The following LDHC variants were observed in gnomAD, a reference collection of about 807,000 sequenced individuals.
LDHC encodes L-lactate dehydrogenase C chain.
In LDHC, 20 loss-of-function variants were observed where a neutral mutation model predicts 30.2. The observed-to-expected ratio is 0.66, with a 90% CI of 0.47 to 0.96. The LOEUF is 0.96. Ranked by LOEUF, LDHC falls within the 40% of genes least tolerant of loss-of-function variation. The pLI is 0.00. For synonymous variants in LDHC, 139 were observed against 132.7 expected, an observed-to-expected ratio of 1.05 and a Z score of -0.32; for missense variants, 362 against 394.9, an observed-to-expected ratio of 0.92 and a Z score of 0.71.
Position 18,449,428 on chromosome 11 carries a change from TAAAAAAAAAAAAAAA to T in LDHC, c.835-1516_835-1502del, listed in dbSNP as rs557136321. On this transcript the variant is annotated intron_variant, in intron 7 of 7. Coordinates refer to ENST00000541669, the MANE Select transcript of LDHC (RefSeq NM_017448.5). The stretch of plus-strand genomic sequence containing the variant: ...GGTGACACAGCGAGACACTGTCTCC[TAAAAAAAAAAAAAAA>T]AAAAAAAAAAAAAAAAAAGAGGATA... Among the ~76,000 whole-genome samples, 14 of 48,452 alleles carry T rather than the reference TAAAAAAAAAAAAAAA, an allele frequency of 2.9e-4. 1 individual carries two copies. Among genetic ancestry groups the T allele is most frequent in the South Asian group, 2.8e-3 (2 of 720 alleles). 31.8% of individuals were successfully genotyped at this position (48,452 alleles called of 152,430 possible). A position where few individuals can be genotyped will look rare whatever the true frequency, so the allele number is the denominator to read the frequency against.
rs763179745 is a variant in LDHC, at chr11:18,429,721, T to C, written c.245-16T>C. The C allele has an allele frequency of 4.4e-5, 68 of 1,528,594 alleles. No homozygotes were observed. The highest frequency in any genetic ancestry group is 5.7e-5 in the Non-Finnish European group (63 of 1,110,148). 94.7% of individuals were successfully genotyped at this position (1,528,594 alleles called of 1,614,324 possible). ...GGTAATGTTGATCCAAATATAGTAT[T>C]TTGTTTCCTTTTTAGATTACAGTGT... On this transcript the variant is annotated splice_polypyrimidine_tract_variant and intron_variant, in intron 3 of 7. Transcript: ENST00000541669.
chr11:18,412,537 C>T, intron 1 of LDHC, 129 bp downstream of exon 1: 1 of 560,636 alleles, frequency 1.8e-6, no homozygotes, highest in Non-Finnish European at 3.1e-6. Flanking sequence ...GTGCCCCAGC[C>T]CTCCCATTGC....
At chr11:18,430,475 C>T (rs907713086) in intron 4 of LDHC, among the ~76,000 whole-genome samples, 2 of 152,108 alleles carry the variant, frequency 1.3e-5, no homozygotes, top group Admixed American at 6.6e-5. Flanking sequence ...GATCCTCCCA[C>T]CTCAGGCTCC....
At chr11:18,439,820 A>AAAC (rs1848427820) in intron 6 of LDHC, among the ~76,000 whole-genome samples, 1 of 142,768 alleles carries the variant, frequency 7.0e-6, no homozygotes, top group Non-Finnish European at 1.5e-5. Context: ...CTAAAAAAAA[A>AAAC]AAAAAAAAAA....
chr11:18,426,276 C>G (rs1428392107), intron 3 of LDHC, among the ~76,000 whole-genome samples: 1 of 152,074 alleles, frequency 6.6e-6, no homozygotes, highest in Non-Finnish European at 1.5e-5. Context: ...CCTGTAATCC[C>G]AGCACTTTGG....
At chr11:18,436,221 C>T (rs1038399752) in intron 5 of LDHC, among the ~76,000 whole-genome samples, 2 of 152,088 alleles carry the variant, frequency 1.3e-5, no homozygotes, top group Non-Finnish European at 2.9e-5. Flanking sequence ...TTTAATTTCT[C>T]ACATTTAATA....
intron 3 of LDHC, among the ~76,000 whole-genome samples, chr11:18,426,316 C>T (rs919653537): frequency 6.6e-6 from 1 of 152,034 alleles, no homozygotes; most frequent in Non-Finnish European, 1.5e-5. Context: ...CACCTGAGGT[C>T]AGGAGTTCAA....
Position 18,451,972 on chromosome 11 carries a change from G to A in LDHC, c.*845G>A, listed in dbSNP as rs1848662239. The A allele has an allele frequency of 1.3e-5, 2 of 151,958 alleles. No homozygotes were observed. Among genetic ancestry groups the A allele is most frequent in the Non-Finnish European group, 2.9e-5 (2 of 68,008 alleles). The allele number at this position is 151,958 out of a possible 1,614,324, so 9.4% of individuals were successfully genotyped here. ...GAACACAGAAGAAAAGCAGAAACAA[G>A]AAGAAGATACAGATGTAACTTTACG... On this transcript the variant is annotated 3_prime_UTR_variant, in exon 8 of 8. Coordinates refer to ENST00000541669, the MANE Select transcript of LDHC (RefSeq NM_017448.5).
intron 5 of LDHC, 63 bp from the exon 6 acceptor site, chr11:18,438,465 T>G: frequency 9.4e-7 from 1 of 1,059,398 alleles, no homozygotes; most frequent in Non-Finnish European, 1.5e-6. Flanking sequence ...AAAACAACAC[T>G]GAACTCAAAC....
Position 18,429,838 on chromosome 11 carries a change from A to G in LDHC, c.346A>G (p.Ile116Val), listed in dbSNP as rs372539242. The change falls in exon 4 of 8, where the codon ATA (isoleucine) becomes GTA (valine). Residue 116 changes from isoleucine (I) to valine (V), a missense_variant. Ile to Val is a conservative substitution (Grantham distance 29). Coordinates refer to ENST00000541669, the MANE Select transcript of LDHC (RefSeq NM_017448.5). ...TGCCCTGGTCCAACGTAATGTGGCT[A>G]TAATGAAATCAATCATTCCTGCCAT... is the stretch of plus-strand genomic sequence containing the variant. ...RLALVQRNVAIMKSIIPAIVH... is the reference protein window; with the variant it reads ...RLALVQRNVAVMKSIIPAIVH... 5.6e-6 allele frequency: 9 copies of G among 1,611,808 alleles called. No individual in the cohort carries two copies. The highest frequency in any genetic ancestry group is 7.6e-6 in the Non-Finnish European group (9 of 1,177,836).
chr11:18,447,007 G>A (rs1257013653), intron 7 of LDHC, among the ~76,000 whole-genome samples: 1 of 152,172 alleles, frequency 6.6e-6, no homozygotes, highest in Non-Finnish European at 1.5e-5. Flanking sequence ...AGAGGGGGAT[G>A]CAGTCCAGAG....
rs142289224 is a variant in LDHC at position 18,412,778 on chromosome 11, T to C, written c.61T>C (p.Cys21Arg). The C allele has an allele frequency of 2.5e-6, 4 of 1,613,954 alleles. No individual in the cohort carries two copies. The highest frequency in any genetic ancestry group is 3.3e-5 in the Admixed American group (2 of 60,024). ...KLIEDDENSQ[C>R]KITIVGTGAV... ...AATTGAGGATGATGAAAACTCCCAG[T>C]GTAAAATTACTATTGTTGGAACTGG... is the stretch of plus-strand genomic sequence containing the variant. Residue 21 changes from cysteine (C) to arginine (R), a missense_variant, in exon 2 of 8, where the codon TGT (cysteine) becomes CGT (arginine). Transcript: ENST00000541669.
chr11:18,422,155 G>C (rs1212419669), intron 3 of LDHC, among the ~76,000 whole-genome samples: 1 of 151,968 alleles, frequency 6.6e-6, no homozygotes, highest in African/African-American at 2.4e-5. Flanking sequence ...AGAGAAAGAA[G>C]TAATATTAGA....
chr11:18,436,337 G>A (rs1848352276), intron 5 of LDHC, among the ~76,000 whole-genome samples: 1 of 151,580 alleles, frequency 6.6e-6, no homozygotes, highest in South Asian at 2.1e-4. Flanking sequence ...CTCTTTTTCT[G>A]TTTTCCATTG....
chr11:18,419,214 G>A (rs1393823170), intron 3 of LDHC, among the ~76,000 whole-genome samples: 4 of 152,164 alleles, frequency 2.6e-5, no homozygotes, highest in Admixed American at 2.6e-4. Context: ...CAGTGCAAAA[G>A]GAAGCCACAG....
chr11:18,434,941 G>T, intron 5 of LDHC, 28 bp downstream of exon 5: 1 of 1,488,994 alleles, frequency 6.7e-7, no homozygotes, highest in South Asian at 1.2e-5. Context: ...ATTATTACGT[G>T]ACTACCCTTC....
At chr11:18,413,031 C>CT (rs146653403) in intron 2 of LDHC, among the ~76,000 whole-genome samples, 188 bp downstream of exon 2, 22,620 of 136,280 alleles carry the variant, frequency 0.17, 1,846 homozygotes, top group Middle Eastern at 0.24. Context: ...CTTTCTTTTC[C>CT]TTTTTTTTTA....
intron 3 of LDHC, among the ~76,000 whole-genome samples, chr11:18,423,914 G>A (rs1010635356): frequency 6.6e-6 from 1 of 152,080 alleles, no homozygotes; most frequent in African/African-American, 2.4e-5. Context: ...AGACACTCAA[G>A]TGGCTTATAA....
intron 3 of LDHC, among the ~76,000 whole-genome samples, chr11:18,418,868 T>C (rs1312613893): frequency 6.6e-6 from 1 of 152,206 alleles, no homozygotes; most frequent in African/African-American, 2.4e-5. Context: ...TGAGAAAGAA[T>C]ATGTTCTTAA....
Sources: allele counts gnomAD v4.1 joint callset (sites outside exome capture counted in the v4.1 genomes callset), GRCh38; gene constraint gnomAD v4.1.1; transcripts MANE v1.5; gene names NCBI Gene and HGNC (gene_info 2026-07-23, HGNC 2026-07-21).